FOXO1: variants seen among roughly 807,000 people sequenced by gnomAD.
The protein encoded by FOXO1 is forkhead box protein O1.
FOXO1 carries 6 observed loss-of-function variants against 44.1 expected under a neutral mutation model. The observed-to-expected ratio is 0.14, with a 90% CI of 0.07 to 0.27. The LOEUF is 0.27. Among genes scored for constraint, FOXO1 ranks in the 10% least tolerant of loss-of-function variants. The probability of loss-of-function intolerance (pLI) is 1.00; values close to 1 mark genes in which losing one functional copy is unlikely to be tolerated. For synonymous variants in FOXO1, 380 were observed against 362.7 expected, an observed-to-expected ratio of 1.05 and a Z score of -0.54; for missense variants, 737 against 888.8, an observed-to-expected ratio of 0.83 and a Z score of 2.17.
At chr13:40,621,207 C>A in intron 1 of FOXO1, 1 of 656,676 alleles carries the variant, frequency 1.5e-6, no homozygotes, top group Non-Finnish European at 2.7e-6. Flanking sequence ...TATCAGTGAC[C>A]ACATAACTGG....
chr13:40,648,652 C>T (rs540218489), intron 1 of FOXO1, among the ~76,000 whole-genome samples: 2 of 152,254 alleles, frequency 1.3e-5, no homozygotes, highest in South Asian at 4.1e-4. Context: ...CACACTATCA[C>T]AGGAAACAAA....
chr13:40,597,147 C>T (rs1389392165), intron 1 of FOXO1, among the ~76,000 whole-genome samples: 2 of 152,140 alleles, frequency 1.3e-5, no homozygotes, highest in African/African-American at 2.4e-5. Context: ...ACTACAAAAC[C>T]GCTGTTTACA....
At chr13:40,621,086 C>T (rs1391671083) in intron 1 of FOXO1, 2 of 238,656 alleles carry the variant, frequency 8.4e-6, no homozygotes, top group Non-Finnish European at 1.7e-5. Context: ...GCAAGAGCCA[C>T]CACGCCCGCC....
chr13:40,613,107 C>G (rs1024183981), intron 1 of FOXO1, among the ~76,000 whole-genome samples: 4 of 152,152 alleles, frequency 2.6e-5, no homozygotes, highest in African/African-American at 7.2e-5. Context: ...ACCTTGAAAT[C>G]TGGGTAAAAA....
chr13:40,572,241 T>C (rs1874553838), intron 1 of FOXO1, among the ~76,000 whole-genome samples: 1 of 152,204 alleles, frequency 6.6e-6, no homozygotes, highest in African/African-American at 2.4e-5. Context: ...CTAAATATGT[T>C]TGCTATCTGG....
intron 1 of FOXO1, among the ~76,000 whole-genome samples, chr13:40,577,391 G>A (rs1874796241): frequency 6.6e-6 from 1 of 152,030 alleles, no homozygotes. Flanking sequence ...TTTCCTTCCT[G>A]TTACAAACCA....
chr13:40,654,565 G>A (rs1443427330), intron 1 of FOXO1, among the ~76,000 whole-genome samples: 4 of 151,234 alleles, frequency 2.6e-5, no homozygotes, highest in Non-Finnish European at 5.9e-5. Flanking sequence ...ATACATCAAC[G>A]CAGAAAAAAA....
At chr13:40,581,111 T>C (rs1437313739) in intron 1 of FOXO1, among the ~76,000 whole-genome samples, 5 of 152,204 alleles carry the variant, frequency 3.3e-5, no homozygotes, top group Non-Finnish European at 5.9e-5. Context: ...GAAAGAGCTT[T>C]AGACTTTTCT....
At chr13:40,569,594 C>T (rs1874402937) in intron 1 of FOXO1, among the ~76,000 whole-genome samples, 1 of 152,150 alleles carries the variant, frequency 6.6e-6, no homozygotes, top group Non-Finnish European at 1.5e-5. Context: ...GAGCTGCAAT[C>T]CGTCATTTAC....
In FOXO1 at chr13:40,594,291, A is replaced by T. The variant is rs1012036135; in HGVS notation, c.631-33431T>A. ...CCAATGGGGGCAGCGGGAGCCAAGC[A>T]AAAGTCAGCCAGGATGGAGGAAGAA... On this transcript the variant is annotated intron_variant, in intron 1 of 2. Coordinates refer to ENST00000379561, the MANE Select transcript of FOXO1 (RefSeq NM_002015.4). 7.9e-5 allele frequency among the ~76,000 whole-genome samples: 12 copies of T among 152,256 alleles called. No individual in the cohort carries two copies. In the South Asian group the frequency reaches 2.5e-3, roughly 32 times the overall value.
At chr13:40,631,441 G>GA (rs943171778) in intron 1 of FOXO1, among the ~76,000 whole-genome samples, 27 of 150,256 alleles carry the variant, frequency 1.8e-4, no homozygotes, top group African/African-American at 4.9e-4. Context: ...AGCTACAAAA[G>GA]AAAAAAAAAT....
intron 1 of FOXO1, among the ~76,000 whole-genome samples, chr13:40,652,289 C>CTTTT (rs777152612): frequency 7.5e-6 from 1 of 133,588 alleles, no homozygotes; most frequent in Non-Finnish European, 1.6e-5. Flanking sequence ...ACTGGTGATT[C>CTTTT]TTTTTTTTTT....
intron 1 of FOXO1, among the ~76,000 whole-genome samples, chr13:40,599,399 C>T (rs1247273512): frequency 6.6e-6 from 1 of 152,172 alleles, no homozygotes; most frequent in Non-Finnish European, 1.5e-5. Flanking sequence ...AGCCTCACCA[C>T]AGCCTTACAC....
intron 1 of FOXO1, among the ~76,000 whole-genome samples, chr13:40,561,351 C>CAA (rs5803055): frequency 0.041 from 4,905 of 118,798 alleles, 245 homozygotes; most frequent in Middle Eastern, 0.068. Context: ...GACTCGATCT[C>CAA]AAAAAAAAAA....
intron 1 of FOXO1, among the ~76,000 whole-genome samples, chr13:40,586,759 G>C (rs1324215072): frequency 6.6e-6 from 1 of 152,170 alleles, no homozygotes; most frequent in Non-Finnish European, 1.5e-5. Flanking sequence ...ACCTGCACAA[G>C]ACTGCCCCTC....
chr13:40,608,004 A>C (rs539154063), intron 1 of FOXO1, among the ~76,000 whole-genome samples: 1 of 150,904 alleles, frequency 6.6e-6, no homozygotes, highest in Non-Finnish European at 1.5e-5. Flanking sequence ...TGTTAGTAAC[A>C]TGTCTCTCAT....
Position 40,651,104 on chromosome 13 carries a change from T to G in FOXO1, c.630+14479A>C, listed in dbSNP as rs1335349589. ...TTTTGGTTTTTTGTTTTTTGTTTTT[T>G]GTTTTTGTTTTTTTTTAAGAAACAT... is the stretch of plus-strand genomic sequence containing the variant. On this transcript the variant is annotated intron_variant, in intron 1 of 2. Coordinates refer to ENST00000379561, the MANE Select transcript of FOXO1 (RefSeq NM_002015.4). 6.8e-3 allele frequency among the ~76,000 whole-genome samples: 949 copies of G among 139,550 alleles called. 5 individuals are homozygous for G. The highest frequency in any genetic ancestry group is 0.011 in the African/African-American group (415 of 36,404). 91.6% of individuals were successfully genotyped at this position (139,550 alleles called of 152,430 possible).
chr13:40,658,867 C>T (rs541310753), intron 1 of FOXO1, among the ~76,000 whole-genome samples: 1 of 152,154 alleles, frequency 6.6e-6, no homozygotes, highest in East Asian at 1.9e-4. Flanking sequence ...AAAAAATTAG[C>T]CGGGCGTGGT....
intron 1 of FOXO1, among the ~76,000 whole-genome samples, chr13:40,602,503 T>C (rs1875847802): frequency 6.6e-6 from 1 of 152,130 alleles, no homozygotes; most frequent in African/African-American, 2.4e-5. Flanking sequence ...TGGGGGAAGA[T>C]ACATAATCAA....
Sources: gnomAD v4.1 joint callset for allele counts (sites outside exome capture counted in the v4.1 genomes callset) on GRCh38, gnomAD v4.1.1 for gene constraint, MANE v1.5 for transcripts, NCBI Gene and HGNC (gene_info 2026-07-23, HGNC 2026-07-21) for gene names.